Variants in SOD2 observed in about 807,000 individuals in gnomAD.
SOD2 encodes superoxide dismutase [Mn], mitochondrial.
Under a neutral mutation model 27.0 loss-of-function variants are expected in SOD2, and 11 were observed. That is an observed-to-expected ratio of 0.41 (90% confidence interval 0.26 to 0.67). The LOEUF is 0.67. Ranked by LOEUF, SOD2 falls within the 30% of genes least tolerant of loss-of-function variation. The pLI is 0.34. For synonymous variants in SOD2, 105 were observed against 103.0 expected (o/e 1.02, Z -0.12); for missense variants, 250 against 274.5 (o/e 0.91, Z 0.63).
intron 1 of SOD2, among the ~76,000 whole-genome samples, chr6:159,754,780 A>G (rs1779943621): frequency 6.6e-6 from 1 of 152,150 alleles, no homozygotes; most frequent in Non-Finnish European, 1.5e-5. Context: ...TTTTCCTTCT[A>G]CAGTTGCTTG....
rs188617796 is a variant in SOD2, at chr6:159,712,122, T to A, written c.-116+15007A>T. ...TAACCACCACTCAGCTGCTCAGACC[T>A]CCATAACCACCTCCATAACCACCAC... On this transcript the variant is annotated intron_variant, in intron 1 of 2. Coordinates refer to the SOD2 transcript ENST00000401980. Among the ~76,000 whole-genome samples the A allele has an allele frequency of 2.0e-3, 48 of 24,542 alleles. 1 individual carries two copies. Among genetic ancestry groups the A allele is most frequent in the African/African-American group, 3.8e-3 (35 of 9,106 alleles). 16.1% of individuals were successfully genotyped at this position (24,542 alleles called of 152,430 possible).
chr6:159,735,237 T>G (rs1778833992), intron 1 of SOD2, among the ~76,000 whole-genome samples: 2 of 152,056 alleles, frequency 1.3e-5, no homozygotes, highest in Admixed American at 6.5e-5. Context: ...GCCTCCCAGG[T>G]TCAGGCGATT....
chr6:159,690,720 TGAATTTTTAAAATGGGAAA>T (rs1373580154), intron 2 of SOD2, among the ~76,000 whole-genome samples: 12 of 152,216 alleles, frequency 7.9e-5, no homozygotes, highest in African/African-American at 2.7e-4. Flanking sequence ...CAATAGTAAC[TGAATTTTTAAAATGGGAAA>T]GATACATGCT....
At chr6:159,684,556 G>A (rs545953837) in intron 4 of SOD2, among the ~76,000 whole-genome samples, 2 of 152,274 alleles carry the variant, frequency 1.3e-5, no homozygotes, top group Middle Eastern at 6.8e-3. Flanking sequence ...GGCGGAGGTT[G>A]CAGTGAACCG....
intron 1 of SOD2, chr6:159,743,546 A>C: frequency 1.0e-6 from 1 of 966,564 alleles, no homozygotes; most frequent in South Asian, 2.2e-5. Flanking sequence ...TTATAAAAGT[A>C]GTTAGGATGG....
intron 1 of SOD2, among the ~76,000 whole-genome samples, chr6:159,714,454 T>C (rs184165849): frequency 1.4e-4 from 21 of 152,222 alleles, no homozygotes; most frequent in Middle Eastern, 3.4e-3. Flanking sequence ...CACTCCCTAC[T>C]TCACTCCCCA....
rs1186148009 is a variant in SOD2, at chr6:159,727,033, G to T, written c.-116+96C>A. ...ACGAGGCAGCCCCGCAGCCGCAGGT[G>T]GCCCCGGCGAGTACTTCCACCTTCC... On this transcript the variant is annotated intron_variant, in intron 1 of 2. Coordinates refer to the SOD2 transcript ENST00000401980. 2.1e-5 allele frequency: 26 copies of T among 1,229,752 alleles called. No individual in the cohort carries two copies. The South Asian group carries it at 3.2e-4, about 15-fold the overall frequency. 76.2% of individuals were successfully genotyped at this position (1,229,752 alleles called of 1,614,324 possible).
intron 1 of SOD2, among the ~76,000 whole-genome samples, chr6:159,733,028 GTAGT>G (rs1429119714): frequency 6.6e-6 from 1 of 152,028 alleles, no homozygotes; most frequent in Non-Finnish European, 1.5e-5. Flanking sequence ...TAAAATAGAA[GTAGT>G]TAGACATGTG....
chr6:159,761,526 T>C (rs1342896785), exon 1 of SOD2: 9 of 455,284 alleles, frequency 2.0e-5, no homozygotes, highest in Non-Finnish European at 1.3e-5. Flanking sequence ...GAGAAACGCA[T>C]AGGACCTCCC....
chr6:159,727,946 G>A (rs948797189), upstream of SOD2, among the ~76,000 whole-genome samples: 45 of 152,212 alleles, frequency 3.0e-4, no homozygotes, highest in African/African-American at 8.0e-4. Flanking sequence ...GTGCTCTGGC[G>A]GCCGGAGAGA....
At chr6:159,744,284 G>A (rs1353587451) in intron 1 of SOD2, among the ~76,000 whole-genome samples, 1 of 152,150 alleles carries the variant, frequency 6.6e-6, no homozygotes, top group African/African-American at 2.4e-5. Context: ...ACGTAGATCT[G>A]AAATCTAGTG....
chr6:159,670,022 G>C lies in SOD2; in HGVS notation c.*12471C>G, dbSNP rs145514524. On this transcript the variant is annotated 3_prime_UTR_variant, in exon 5 of 5. Coordinates refer to ENST00000538183, the MANE Select transcript of SOD2 (RefSeq NM_000636.4). ...CAGGAGAATCACTTGTTTTTTGAGAGACAGGATCTCTTTCACCCAGACTGG... is the reference window on the plus strand; with the variant it reads ...CAGGAGAATCACTTGTTTTTTGAGACACAGGATCTCTTTCACCCAGACTGG... 44 of 152,290 alleles carry C rather than the reference G, an allele frequency of 2.9e-4. No homozygotes were observed. The highest frequency in any genetic ancestry group is 9.9e-4 in the African/African-American group (41 of 41,542). 9.4% of individuals were successfully genotyped at this position (152,290 alleles called of 1,614,324 possible). A position where few individuals can be genotyped will look rare whatever the true frequency, so the allele number is the denominator to read the frequency against.
At chr6:159,722,903 G>A (rs1218714917) in intron 1 of SOD2, among the ~76,000 whole-genome samples, 1 of 152,170 alleles carries the variant, frequency 6.6e-6, no homozygotes, top group Non-Finnish European at 1.5e-5. Context: ...GCCAGGACTT[G>A]ATTAAAACTT....
intron 1 of SOD2, among the ~76,000 whole-genome samples, chr6:159,721,762 T>A (rs117611738): frequency 0.016 from 2,354 of 145,992 alleles, 118 homozygotes; most frequent in Admixed American, 0.11. Context: ...CCTGACCTCA[T>A]GATCTGCTAG....
chr6:159,710,967 ATAACCACCT>A (rs1562436632), intron 1 of SOD2, among the ~76,000 whole-genome samples: 85 of 124,008 alleles, frequency 6.9e-4, no homozygotes, highest in Non-Finnish European at 1.1e-3. Flanking sequence ...TCTGACCTCC[ATAACCACCT>A]CCATAACCAC....
At chr6:159,709,484 G>A (rs1777689601) in intron 1 of SOD2, among the ~76,000 whole-genome samples, 3 of 152,302 alleles carry the variant, frequency 2.0e-5, no homozygotes, top group African/African-American at 7.2e-5. Flanking sequence ...CCCAAAAGAA[G>A]ACATTTATGC....
At chr6:159,720,920 G>A (rs1057105359) in intron 1 of SOD2, among the ~76,000 whole-genome samples, 7 of 136,844 alleles carry the variant, frequency 5.1e-5, no homozygotes, top group Middle Eastern at 3.8e-3. Context: ...GCAATGGCGC[G>A]ATCTCGGCTC....
chr6:159,719,789 TC>T (rs1294283558), intron 1 of SOD2, among the ~76,000 whole-genome samples: 1 of 150,702 alleles, frequency 6.6e-6, no homozygotes, highest in Non-Finnish European at 1.5e-5. Flanking sequence ...AGTCACGCGA[TC>T]TTGGCTCACT....
At chr6:159,734,298 G>A (rs1778770770) in intron 1 of SOD2, among the ~76,000 whole-genome samples, 1 of 149,924 alleles carries the variant, frequency 6.7e-6, no homozygotes, top group Admixed American at 6.7e-5. Flanking sequence ...ACAAGTGTGA[G>A]CCACCACACC....
Sources: gnomAD v4.1 joint callset for allele counts (sites outside exome capture counted in the v4.1 genomes callset) on GRCh38, gnomAD v4.1.1 for gene constraint, MANE v1.5 for transcripts, NCBI Gene and HGNC (gene_info 2026-07-23, HGNC 2026-07-21) for gene names.